The following CTNNA2 variants were observed in gnomAD, a reference collection of about 807,000 sequenced individuals.
The protein encoded by CTNNA2 is catenin alpha 2, also known as catenin alpha-2.
In CTNNA2, 42 loss-of-function variants were observed where a neutral mutation model predicts 101.0. The observed-to-expected ratio is 0.42, with a 90% CI of 0.32 to 0.54. The LOEUF (loss-of-function observed/expected upper bound fraction) is 0.54. Among genes scored for constraint, CTNNA2 ranks in the 20% least tolerant of loss-of-function variants. The pLI, the probability that CTNNA2 is intolerant of heterozygous loss-of-function variation, is 0.14. For missense variants in CTNNA2, 871 were observed against 1,223.1 expected (o/e 0.71, Z 4.29); for synonymous variants, 450 against 456.4 (o/e 0.99, Z 0.18).
In CTNNA2 at chr2:80,345,325, G is replaced by T. The variant is rs113942534; in HGVS notation, c.1057-47886G>T. Among the ~76,000 whole-genome samples the T allele has an allele frequency of 6.9e-3, 1,050 of 152,260 alleles. 12 individuals are homozygous for T. Among genetic ancestry groups the T allele is most frequent in the African/African-American group, 0.023 (952 of 41,544 alleles). On this transcript the variant is annotated intron_variant, in intron 7 of 18. Transcript: ENST00000402739. ...TGCTTCAGAGCCATTTACATCTGCA[G>T]GTCCTTCTGTCTGGAAGGCCCTTGC... is the stretch of plus-strand genomic sequence containing the variant.
intron 9 of CTNNA2, among the ~76,000 whole-genome samples, chr2:80,455,152 G>A (rs1683856030): frequency 6.6e-6 from 1 of 152,262 alleles, no homozygotes. Context: ...TTGGGGTAAT[G>A]AGGTGTCAGG....
intron 3 of CTNNA2, among the ~76,000 whole-genome samples, chr2:79,840,107 G>A (rs548599751): frequency 1.3e-5 from 2 of 152,310 alleles, no homozygotes; most frequent in South Asian, 4.1e-4. Context: ...ACAATACTGT[G>A]TGATAATAAG....
intron 4 of CTNNA2, among the ~76,000 whole-genome samples, chr2:79,391,806 G>T (rs1305695379): frequency 6.6e-6 from 1 of 152,156 alleles, no homozygotes; most frequent in Non-Finnish European, 1.5e-5. Context: ...ACATGATGGG[G>T]TAGTTTAAAC....
At chr2:80,098,218 T>A (rs1405021015) in intron 7 of CTNNA2, among the ~76,000 whole-genome samples, 3 of 151,334 alleles carry the variant, frequency 2.0e-5, no homozygotes, top group Non-Finnish European at 4.4e-5. Flanking sequence ...TAGTTTTCCT[T>A]CTAACAGTCA....
At chr2:79,445,285 A>G (rs956514716) in intron 4 of CTNNA2, among the ~76,000 whole-genome samples, 2 of 152,174 alleles carry the variant, frequency 1.3e-5, no homozygotes, top group Admixed American at 6.6e-5. Flanking sequence ...AGACTGGGTC[A>G]ATTTTCAAGA....
intron 4 of CTNNA2, among the ~76,000 whole-genome samples, chr2:79,460,089 C>G (rs1397163154): frequency 1.3e-5 from 2 of 152,058 alleles, no homozygotes; most frequent in Non-Finnish European, 2.9e-5. Flanking sequence ...ACCTCAGAAT[C>G]TGTATCTTCT....
At chr2:80,572,008 T>C (rs1694644786) in intron 12 of CTNNA2, among the ~76,000 whole-genome samples, 1 of 152,150 alleles carries the variant, frequency 6.6e-6, no homozygotes, top group Admixed American at 6.5e-5. Context: ...AGCATTTCTT[T>C]AGAAGTTAAT....
At chr2:79,468,871 T>C (rs1670967408) in intron 4 of CTNNA2, among the ~76,000 whole-genome samples, 1 of 152,132 alleles carries the variant, frequency 6.6e-6, no homozygotes, top group Non-Finnish European at 1.5e-5. Context: ...CTGGGACGCA[T>C]TGAAAGCAGT....
intron 1 of CTNNA2, among the ~76,000 whole-genome samples, chr2:79,197,339 T>G (rs1295366056): frequency 6.6e-6 from 1 of 152,122 alleles, no homozygotes; most frequent in Non-Finnish European, 1.5e-5. Flanking sequence ...TAACAAAAGG[T>G]GTAGCATCTT....
intron 7 of CTNNA2, among the ~76,000 whole-genome samples, chr2:80,343,980 G>C (rs376840664): frequency 4.6e-5 from 7 of 152,196 alleles, no homozygotes; most frequent in African/African-American, 1.7e-4. Context: ...TAAGGGAAGA[G>C]CTATTCCAGT....
chr2:80,085,710 C>T (rs1189787864), intron 7 of CTNNA2, among the ~76,000 whole-genome samples: 1 of 152,062 alleles, frequency 6.6e-6, no homozygotes, highest in Middle Eastern at 3.4e-3. Flanking sequence ...CTGGCTTCCC[C>T]TATATTGATG....
At chr2:80,342,319 C>G (rs1193651341) in intron 7 of CTNNA2, among the ~76,000 whole-genome samples, 1 of 152,144 alleles carries the variant, frequency 6.6e-6, no homozygotes. Context: ...TTGGGCCATC[C>G]AGACAACATA....
At chr2:80,534,800 C>T (rs1690854702) in intron 9 of CTNNA2, among the ~76,000 whole-genome samples, 1 of 152,048 alleles carries the variant, frequency 6.6e-6, no homozygotes, top group Admixed American at 6.6e-5. Context: ...AAACAAGTGC[C>T]ATAACAATTT....
intron 12 of CTNNA2, among the ~76,000 whole-genome samples, chr2:80,556,190 A>G (rs1000675534): frequency 6.6e-6 from 1 of 152,360 alleles, no homozygotes; most frequent in Non-Finnish European, 1.5e-5. Context: ...CCAATTATGG[A>G]TGAGATAATT....
chr2:79,848,974 C>A (rs553014432), intron 3 of CTNNA2, among the ~76,000 whole-genome samples: 24 of 151,212 alleles, frequency 1.6e-4, no homozygotes, highest in African/African-American at 4.4e-4. Context: ...GGGATGCTGA[C>A]CCCCACCAAC....
At chr2:80,228,281 C>G (rs1018846883) in intron 7 of CTNNA2, among the ~76,000 whole-genome samples, 2 of 152,134 alleles carry the variant, frequency 1.3e-5, no homozygotes, top group African/African-American at 4.8e-5. Context: ...AAGGGACCAG[C>G]AGATTTGTTG....
chr2:80,630,927 G>A (rs763274841), intron 18 of CTNNA2, among the ~76,000 whole-genome samples: 3 of 152,076 alleles, frequency 2.0e-5, no homozygotes, highest in East Asian at 1.9e-4. Context: ...CTTAGCATTC[G>A]TTTTTTAAAA....
chr2:79,535,244 G>A (rs975873712), intron 1 of CTNNA2, among the ~76,000 whole-genome samples: 2 of 150,426 alleles, frequency 1.3e-5, no homozygotes, highest in African/African-American at 2.5e-5. Flanking sequence ...TGAGACTGTC[G>A]CCCTGGCTGG....
At chr2:79,706,392 G>C (rs1573740911) in intron 2 of CTNNA2, among the ~76,000 whole-genome samples, 3 of 148,808 alleles carry the variant, frequency 2.0e-5, no homozygotes, top group Admixed American at 6.7e-5. Flanking sequence ...AAAAAAATTA[G>C]CATGTGTGGA....
Sources: allele counts gnomAD v4.1 joint callset (sites outside exome capture counted in the v4.1 genomes callset), GRCh38; gene constraint gnomAD v4.1.1; transcripts MANE v1.5; gene names NCBI Gene and HGNC (gene_info 2026-07-23, HGNC 2026-07-21).